The following NFIX variants were observed in gnomAD, a reference collection of about 807,000 sequenced individuals.
NFIX encodes nuclear factor I X, also known as nuclear factor 1 X-type.
A neutral mutation model predicts 53.3 loss-of-function variants in NFIX; 2 were observed. That is an observed-to-expected ratio of 0.04 (90% CI 0.02 to 0.12). The LOEUF (loss-of-function observed/expected upper bound fraction) is 0.12. Ranked by LOEUF, NFIX falls within the 10% of genes least tolerant of loss-of-function variation. The probability of loss-of-function intolerance (pLI) is 1.00; values close to 1 mark genes in which losing one functional copy is unlikely to be tolerated. For synonymous variants in NFIX, 244 were observed against 289.0 expected (o/e 0.84, Z 1.58); for missense variants, 310 against 674.5 (o/e 0.46, Z 5.99).
intron 2 of NFIX, among the ~76,000 whole-genome samples, chr19:13,065,670 G>C (rs1392856568): frequency 6.6e-6 from 1 of 152,116 alleles, no homozygotes; most frequent in Non-Finnish European, 1.5e-5. Flanking sequence ...TCTCTCCTTT[G>C]CTGGCCACTG....
At chr19:13,000,769 G>A (rs1307967069) in intron 1 of NFIX, among the ~76,000 whole-genome samples, 1 of 152,208 alleles carries the variant, frequency 6.6e-6, no homozygotes, top group Non-Finnish European at 1.5e-5. Context: ...GTTGTCACCT[G>A]GACCCGCCAT....
Position 13,078,371 on chromosome 19 carries a change from C to T in NFIX, c.956-242C>T, listed in dbSNP as rs968096819. Among the ~76,000 whole-genome samples the T allele has an allele frequency of 3.9e-5, 6 of 152,204 alleles. No individual in the cohort carries two copies. The highest frequency in any genetic ancestry group is 3.9e-4 in the Admixed American group (6 of 15,290). ...CCTGGCACACACCACCCCACATTAC[C>T]CAGGGGCCTCGTTTTCCTCTCTGGT... On this transcript the variant is annotated intron_variant, in intron 6 of 10. Coordinates refer to ENST00000592199, the MANE Select transcript of NFIX (RefSeq NM_001365902.3). The surrounding 1 kb of genome is among the most constrained non-coding windows in gnomAD (Gnocchi z 4.7).
At chr19:13,000,547 G>C (rs543750245) in intron 1 of NFIX, among the ~76,000 whole-genome samples, 1 of 151,624 alleles carries the variant, frequency 6.6e-6, no homozygotes, top group East Asian at 2.0e-4. Context: ...GGGGAGAGAT[G>C]GTGGGGGAGA....
At chr19:13,024,620 G>A (rs1159451542) in intron 1 of NFIX, 3 of 1,536,204 alleles carry the variant, frequency 2.0e-6, no homozygotes, top group East Asian at 2.4e-5. Context: ...AGGAGTTCAC[G>A]GCTGCGATAG....
rs554056571 is a variant in NFIX at position 13,067,195 on chromosome 19, C to T, written c.560-5852C>T. Among the ~76,000 whole-genome samples the T allele has an allele frequency of 3.9e-5, 6 of 152,298 alleles. No homozygotes were observed. Among genetic ancestry groups the T allele is most frequent in the South Asian group, 4.1e-4 (2 of 4,824 alleles). On this transcript the variant is annotated intron_variant, in intron 2 of 10. Coordinates refer to ENST00000592199, the MANE Select transcript of NFIX (RefSeq NM_001365902.3). This position sits in a 1 kb window ranked among gnomAD's most constrained non-coding sequence, Gnocchi z 4.2. ...GAGGGCCAGTGATTGGCCCCAGAAT[C>T]GCATCAGCCCTTCAGAGGATGGGGT...
At chr19:13,016,051 TG>T (rs1273376881) in intron 1 of NFIX, among the ~76,000 whole-genome samples, 1 of 152,194 alleles carries the variant, frequency 6.6e-6, no homozygotes, top group Non-Finnish European at 1.5e-5. Context: ...TTTCTTAATC[TG>T]GGTGGGGTTA....
chr19:13,017,747 G>A (rs1260969348), intron 1 of NFIX, among the ~76,000 whole-genome samples: 1 of 152,240 alleles, frequency 6.6e-6, no homozygotes, highest in African/African-American at 2.4e-5. Flanking sequence ...TTTTCACAGT[G>A]TGCTGGGCAC....
intron 8 of NFIX, among the ~76,000 whole-genome samples, chr19:13,085,437 A>C (rs1473139410): frequency 6.6e-6 from 1 of 152,180 alleles, no homozygotes; most frequent in Non-Finnish European, 1.5e-5. Flanking sequence ...AGCTCGGGAC[A>C]CCTGGAGAGG....
At chr19:13,010,459 GC>G in intron 1 of NFIX, among the ~76,000 whole-genome samples, 1 of 152,390 alleles carries the variant, frequency 6.6e-6, no homozygotes, top group East Asian at 1.9e-4. Flanking sequence ...GCATGCCCTT[GC>G]CCGGCGCCCC....
chr19:13,051,961 A>T lies in NFIX; in HGVS notation c.560-21086A>T, dbSNP rs1456325570. Among the ~76,000 whole-genome samples, 2 of 152,050 alleles carry T rather than the reference A, an allele frequency of 1.3e-5. No individual in the cohort carries two copies. Among genetic ancestry groups the T allele is most frequent in the Non-Finnish European group, 2.9e-5 (2 of 67,992 alleles). ...TCTCCGCTCCGGCTTCATGCTCTCC[A>T]GGTTTCTCCACTTCCTTTGCAGACC... is the stretch of plus-strand genomic sequence containing the variant. On this transcript the variant is annotated intron_variant, in intron 2 of 10. Transcript: ENST00000592199. This position sits in a 1 kb window ranked among gnomAD's most constrained non-coding sequence, Gnocchi z 5.1.
Position 13,013,837 on chromosome 19 carries a change from C to A in NFIX, c.28-11184C>A, listed in dbSNP as rs1288856447. ...GCGGTCGCCCCGATTCTCTAGTAGACCCTGGCGTGGGGCACCTGAGATCTC... is the reference window on the plus strand; with the variant it reads ...GCGGTCGCCCCGATTCTCTAGTAGAACCTGGCGTGGGGCACCTGAGATCTC... On this transcript the variant is annotated intron_variant, in intron 1 of 10. Transcript: ENST00000592199. This position sits in a 1 kb window ranked among gnomAD's most constrained non-coding sequence, Gnocchi z 5.9. 6.6e-6 allele frequency: 1 copy of A among 152,164 alleles called. No individual in the cohort carries two copies. Among genetic ancestry groups the A allele is most frequent in the Admixed American group, 6.5e-5 (1 of 15,282 alleles). The allele number at this position is 152,164 out of a possible 1,614,324, so 9.4% of individuals were successfully genotyped here.
chr19:13,045,366 C>A lies in NFIX; in HGVS notation c.559+19814C>A, dbSNP rs1396285554. ...GGGTATATTTGGTAGTGGCTGAAAA[C>A]AGTTTTGGTTGTCACTACTTGGGAT... On this transcript the variant is annotated intron_variant, in intron 2 of 10. Transcript: ENST00000592199. This position sits in a 1 kb window ranked among gnomAD's most constrained non-coding sequence, Gnocchi z 4.4. 6.6e-6 allele frequency among the ~76,000 whole-genome samples: 1 copy of A among 151,772 alleles called. No individual in the cohort carries two copies. The highest frequency in any genetic ancestry group is 1.5e-5 in the Non-Finnish European group (1 of 67,864).
rs2012414780 is a variant in NFIX, at chr19:13,012,518, G to A, written c.28-12503G>A. Among the ~76,000 whole-genome samples, 1 of 151,788 alleles carries A rather than the reference G, an allele frequency of 6.6e-6. No individual in the cohort carries two copies. Among genetic ancestry groups the A allele is most frequent in the South Asian group, 2.1e-4 (1 of 4,814 alleles). ...GGACTGTCCCAGTTCACCATTTGCTGCGTCAAAGGCCGCCGCCAAAAGGGG... is the reference window on the plus strand; with the variant it reads ...GGACTGTCCCAGTTCACCATTTGCTACGTCAAAGGCCGCCGCCAAAAGGGG... On this transcript the variant is annotated intron_variant, in intron 1 of 10. Coordinates refer to ENST00000592199, the MANE Select transcript of NFIX (RefSeq NM_001365902.3). The surrounding 1 kb of genome is among the most constrained non-coding windows in gnomAD (Gnocchi z 5.0).
Position 13,074,675 on chromosome 19 carries a change from G to A in NFIX, c.818+649G>A, listed in dbSNP as rs534336135. Among the ~76,000 whole-genome samples, 5 of 151,906 alleles carry A rather than the reference G, an allele frequency of 3.3e-5. No homozygotes were observed. The South Asian group carries it at 1.0e-3, about 32-fold the overall frequency. ...GGCAGGGATGTGGGTTCTGGCCAGGGCAAGTTGTGCTGGGCAGGGTCCACT... is the reference window on the plus strand; with the variant it reads ...GGCAGGGATGTGGGTTCTGGCCAGGACAAGTTGTGCTGGGCAGGGTCCACT... On this transcript the variant is annotated intron_variant, in intron 5 of 10. Coordinates refer to ENST00000592199, the MANE Select transcript of NFIX (RefSeq NM_001365902.3).
chr19:13,070,054 C>A, intron 2 of NFIX: 1 of 152,236 alleles, frequency 6.6e-6, no homozygotes. Context: ...GCAAGGCTCC[C>A]CAAAGAGCCT....
rs1002429208 is a variant in NFIX at position 13,002,442 on chromosome 19, G to T, written c.27+6578G>T. On this transcript the variant is annotated intron_variant, in intron 1 of 10. Coordinates refer to ENST00000592199, the MANE Select transcript of NFIX (RefSeq NM_001365902.3). This position sits in a 1 kb window ranked among gnomAD's most constrained non-coding sequence, Gnocchi z 6.1. ...AGGGCGGGAGTGGCCTCGTGCAGGG[G>T]CCTGGGCCCCCTGAGTGGGCTTGGC... Among the ~76,000 whole-genome samples the T allele has an allele frequency of 6.6e-6, 1 of 152,116 alleles. No homozygotes were observed. The highest frequency in any genetic ancestry group is 1.5e-5 in the Non-Finnish European group (1 of 67,990).
chr19:13,011,835 G>A lies in NFIX; in HGVS notation c.28-13186G>A, dbSNP rs1484140082. On this transcript the variant is annotated intron_variant, in intron 1 of 10. Coordinates refer to ENST00000592199, the MANE Select transcript of NFIX (RefSeq NM_001365902.3). This position sits in a 1 kb window ranked among gnomAD's most constrained non-coding sequence, Gnocchi z 6.5. Reference sequence around the variant, plus strand: ...TTGTAGCCTCCCTGGAGGTTCTCAAGGCGCCTGGCATTTCCTGGACCCGCT... The same window carrying A: ...TTGTAGCCTCCCTGGAGGTTCTCAAAGCGCCTGGCATTTCCTGGACCCGCT... Among the ~76,000 whole-genome samples the A allele has an allele frequency of 2.0e-5, 3 of 152,178 alleles. No individual in the cohort carries two copies. The highest frequency in any genetic ancestry group is 1.5e-5 in the Non-Finnish European group (1 of 68,018).
At chr19:13,055,917 C>T (rs1379344084) in intron 2 of NFIX, among the ~76,000 whole-genome samples, 1 of 152,186 alleles carries the variant, frequency 6.6e-6, no homozygotes, top group African/African-American at 2.4e-5. Flanking sequence ...TCCTTGCACC[C>T]AGCCCCACGG....
chr19:13,000,816 A>G (rs546840166), intron 1 of NFIX, among the ~76,000 whole-genome samples: 64 of 152,314 alleles, frequency 4.2e-4, no homozygotes, highest in African/African-American at 1.5e-3. Flanking sequence ...TATGGTGGGC[A>G]CTTGGCTGGA....
Sources: gnomAD v4.1 joint callset for allele counts (sites outside exome capture counted in the v4.1 genomes callset) on GRCh38, gnomAD v4.1.1 for gene constraint, Gnocchi (gnomAD v3.1) non-coding constraint, MANE v1.5 for transcripts, NCBI Gene and HGNC (gene_info 2026-07-23, HGNC 2026-07-21) for gene names.